NPHS2: variants seen among roughly 807,000 people sequenced by gnomAD.
The protein encoded by NPHS2 is NPHS2 stomatin family member, podocin.
In NPHS2, 36 loss-of-function variants were observed where a neutral mutation model predicts 37.1. The ratio of observed to expected loss-of-function variants is 0.97; its 90% confidence interval spans 0.74 to 1.28. NPHS2 has a LOEUF of 1.28. Among genes scored for constraint, NPHS2 ranks in the 50% most tolerant of loss-of-function variants. The probability of loss-of-function intolerance (pLI) is 0.00; values close to 1 mark genes in which losing one functional copy is unlikely to be tolerated. For missense variants in NPHS2, 447 were observed against 488.1 expected, an observed-to-expected ratio of 0.92 and a Z score of 0.79; for synonymous variants, 196 against 189.3, an observed-to-expected ratio of 1.04 and a Z score of -0.29.
At position 179,556,739 on chromosome 1, in the gene NPHS2, A is replaced by G. The variant is rs1253648439; in HGVS notation, c.738+288T>C. ...CCCCACCAACCCCACCGTTCCTGCCAGCAATCATTCTGAATACTTAATACT... is the reference window on the plus strand; with the variant it reads ...CCCCACCAACCCCACCGTTCCTGCCGGCAATCATTCTGAATACTTAATACT... On this transcript the variant is annotated intron_variant, in intron 5 of 7. Coordinates refer to ENST00000367615, the MANE Select transcript of NPHS2 (RefSeq NM_014625.4). This position sits in a 1 kb window ranked among gnomAD's most constrained non-coding sequence, Gnocchi z 4.1. 2.0e-5 allele frequency among the ~76,000 whole-genome samples: 3 copies of G among 152,176 alleles called. No individual in the cohort carries two copies. The East Asian group carries it at 5.8e-4, about 29-fold the overall frequency.
chr1:179,568,750 G>A lies in NPHS2; in HGVS notation c.275-3957C>T, dbSNP rs546307435. On this transcript the variant is annotated intron_variant, in intron 1 of 7. Transcript: ENST00000367615. ...CGTCCCAGAGATTCTGGTATGTTGT[G>A]TCTTTGTTCTCATTGGTTTCAAAGA... Among the ~76,000 whole-genome samples, 425 of 152,232 alleles carry A rather than the reference G, an allele frequency of 2.8e-3. 3 individuals carry two copies. Among genetic ancestry groups the A allele is most frequent in the African/African-American group, 9.9e-3 (411 of 41,520 alleles).
chr1:179,555,319 T>C (rs963027082), intron 5 of NPHS2, among the ~76,000 whole-genome samples: 1 of 152,202 alleles, frequency 6.6e-6, no homozygotes, highest in Non-Finnish European at 1.5e-5. Flanking sequence ...CTTTCATTTA[T>C]AGGATGTTTT....
chr1:179,561,685 C>T (rs962403296), intron 2 of NPHS2, among the ~76,000 whole-genome samples: 2 of 152,158 alleles, frequency 1.3e-5, no homozygotes, highest in Admixed American at 1.3e-4. Flanking sequence ...GAGTTCTGCA[C>T]TAGCTTTTAT....
chr1:179,565,903 A>G (rs909786076), intron 1 of NPHS2, among the ~76,000 whole-genome samples: 3 of 152,082 alleles, frequency 2.0e-5, no homozygotes, highest in African/African-American at 7.2e-5. Flanking sequence ...ACATGAACTC[A>G]TCCTTTTTTA....
At chr1:179,571,371 G>A (rs1854336) in intron 1 of NPHS2, among the ~76,000 whole-genome samples, 19,054 of 152,192 alleles carry the variant, frequency 0.13, 2,003 homozygotes, top group African/African-American at 0.28. Flanking sequence ...TCCAGACCCC[G>A]TTTGCCTGGG....
In NPHS2 at chr1:179,568,123, G is replaced by A. The variant is rs139925298; in HGVS notation, c.275-3330C>T. On this transcript the variant is annotated intron_variant, in intron 1 of 7. Transcript: ENST00000367615. ...CTATTGATTGGAAGAGTTTCAGAAG[G>A]AATGGTACCAGCTCCTCTTTGTACC... Among the ~76,000 whole-genome samples, 1,507 of 152,290 alleles carry A rather than the reference G, an allele frequency of 9.9e-3. 21 individuals carry two copies. Among genetic ancestry groups the A allele is most frequent in the African/African-American group, 0.035 (1,444 of 41,554 alleles).
intron 1 of NPHS2, among the ~76,000 whole-genome samples, chr1:179,567,457 A>G (rs1674379134): frequency 6.6e-6 from 1 of 152,154 alleles, no homozygotes; most frequent in African/African-American, 2.4e-5. Context: ...CAGCTTAAGG[A>G]GATTTTGGGC....
At chr1:179,561,574 T>C (rs1330626228) in intron 2 of NPHS2, among the ~76,000 whole-genome samples, 1 of 152,180 alleles carries the variant, frequency 6.6e-6, no homozygotes. Flanking sequence ...TTTGAACCCA[T>C]AGACAGAATT....
At chr1:179,564,908 G>A in intron 1 of NPHS2, 115 bp from the exon 2 acceptor site, 3 of 824,710 alleles carry the variant, frequency 3.6e-6, no homozygotes, top group East Asian at 5.4e-5. Flanking sequence ...AGACTTTGCT[G>A]GAAATATTAG....
Position 179,551,070 on chromosome 1 carries a change from T to C in NPHS2, c.*103A>G. 6.9e-7 allele frequency: 1 copy of C among 1,450,720 alleles called. No homozygotes were observed. The allele number at this position is 1,450,720 out of a possible 1,614,324, so 89.9% of individuals were successfully genotyped here. On this transcript the variant is annotated 3_prime_UTR_variant, in exon 8 of 8. Transcript: ENST00000367615. Reference sequence around the variant, plus strand: ...TCGTGCATTCCATGGCCATTCCATATGGCAACCAAAGGAAGGGCAGGGAAT... The same window carrying C: ...TCGTGCATTCCATGGCCATTCCATACGGCAACCAAAGGAAGGGCAGGGAAT...
At chr1:179,567,839 G>C (rs1439753468) in intron 1 of NPHS2, among the ~76,000 whole-genome samples, 1 of 152,100 alleles carries the variant, frequency 6.6e-6, no homozygotes, top group African/African-American at 2.4e-5. Flanking sequence ...GGTTTTTGTT[G>C]TTGGTTCTGT....
intron 1 of NPHS2, among the ~76,000 whole-genome samples, chr1:179,571,940 G>T (rs1674578592): frequency 6.6e-6 from 1 of 152,202 alleles, no homozygotes; most frequent in Admixed American, 6.5e-5. Context: ...CAGTATTTGG[G>T]TGTGAGTGTC....
rs778228086 is a variant in NPHS2, at chr1:179,557,240, A to C, written c.535-10T>G. 1 of 1,612,862 alleles carries C rather than the reference A, an allele frequency of 6.2e-7. No homozygotes were observed. The highest frequency in any genetic ancestry group is 2.2e-5 in the East Asian group (1 of 44,868). ...TGTCTTTGGTCACGATCTAGGCAGA[A>C]AAAAGTTTGGATGACAGGCTTGATT... On this transcript the variant is annotated splice_polypyrimidine_tract_variant and intron_variant, in intron 4 of 7. Coordinates refer to ENST00000367615, the MANE Select transcript of NPHS2 (RefSeq NM_014625.4).
At chr1:179,555,310 T>C (rs1277258847) in intron 5 of NPHS2, among the ~76,000 whole-genome samples, 1 of 152,224 alleles carries the variant, frequency 6.6e-6, no homozygotes, top group African/African-American at 2.4e-5. Flanking sequence ...TCCAGATGTC[T>C]TTCATTTATA....
chr1:179,571,475 T>G (rs939987726), intron 1 of NPHS2, among the ~76,000 whole-genome samples: 7 of 152,142 alleles, frequency 4.6e-5, no homozygotes, highest in Non-Finnish European at 1.0e-4. Context: ...ATATGAGGTG[T>G]CTGTTGGCCC....
chr1:179,552,963 C>T (rs926563313), intron 6 of NPHS2, among the ~76,000 whole-genome samples: 6 of 152,146 alleles, frequency 3.9e-5, no homozygotes, highest in South Asian at 2.1e-4. Flanking sequence ...TCAGTTTTTC[C>T]GCTTAGGATA....
chr1:179,561,469 C>T, intron 2 of NPHS2, 108 bp from the exon 3 acceptor site: 1 of 813,386 alleles, frequency 1.2e-6, no homozygotes, highest in Non-Finnish European at 2.1e-6. Context: ...TTTTGAGAAC[C>T]AGGAAAAAAT....
chr1:179,564,920 A>T (rs1376989963), intron 1 of NPHS2, 127 bp from the exon 2 acceptor site: 7 of 781,652 alleles, frequency 9.0e-6, no homozygotes, highest in African/African-American at 3.4e-5. Context: ...AAATATTAGA[A>T]TAAGTCAAAT....
chr1:179,558,842 T>C (rs751836208), intron 4 of NPHS2, among the ~76,000 whole-genome samples: 14 of 152,234 alleles, frequency 9.2e-5, no homozygotes, highest in Non-Finnish European at 1.3e-4. Flanking sequence ...GTAGTGATGC[T>C]GAGCATCTTT....
Sources: gnomAD v4.1 joint callset for allele counts (sites outside exome capture counted in the v4.1 genomes callset) on GRCh38, gnomAD v4.1.1 for gene constraint, Gnocchi (gnomAD v3.1) non-coding constraint, MANE v1.5 for transcripts, NCBI Gene and HGNC (gene_info 2026-07-23, HGNC 2026-07-21) for gene names.